RASGRF1: variants seen among roughly 807,000 people sequenced by gnomAD.
The protein encoded by RASGRF1 is Ras protein specific guanine nucleotide releasing factor 1.
A neutral mutation model predicts 138.7 loss-of-function variants in RASGRF1; 40 were observed. The observed-to-expected ratio is 0.29, with a 90% CI of 0.22 to 0.38. The LOEUF (loss-of-function observed/expected upper bound fraction) is 0.38. Among genes scored for constraint, RASGRF1 ranks in the 10% least tolerant of loss-of-function variants. RASGRF1 has a pLI of 1.00. For missense variants in RASGRF1, 1,108 were observed against 1,650.4 expected (o/e 0.67, Z 5.69); for synonymous variants, 614 against 663.2 (o/e 0.93, Z 1.14).
chr15:79,078,132 G>GGT (rs143462965), intron 1 of RASGRF1, among the ~76,000 whole-genome samples: 1,886 of 148,208 alleles, frequency 0.013, 11 homozygotes, highest in Non-Finnish European at 0.017. Context: ...CAGAGAACCT[G>GGT]GTGTGTGTGT....
intron 20 of RASGRF1, among the ~76,000 whole-genome samples, chr15:78,995,143 G>A (rs576383434): frequency 6.6e-6 from 1 of 152,140 alleles, no homozygotes; most frequent in Non-Finnish European, 1.5e-5. Flanking sequence ...TGCCCAGGCT[G>A]ATCTTGAACT....
chr15:79,036,023 C>A (rs1464185408), intron 5 of RASGRF1, among the ~76,000 whole-genome samples: 3 of 152,176 alleles, frequency 2.0e-5, no homozygotes, highest in Non-Finnish European at 2.9e-5. Context: ...GCCCGGCCTT[C>A]CCCCCAACCC....
At chr15:79,002,043 G>GA (rs1306389279) in intron 15 of RASGRF1, among the ~76,000 whole-genome samples, 1 of 152,200 alleles carries the variant, frequency 6.6e-6, no homozygotes, top group East Asian at 1.9e-4. Context: ...CACACCTGGG[G>GA]ATCTTGTCAG....
At chr15:79,067,238 G>A (rs1185600288) in intron 1 of RASGRF1, among the ~76,000 whole-genome samples, 1 of 152,150 alleles carries the variant, frequency 6.6e-6, no homozygotes, top group African/African-American at 2.4e-5. Flanking sequence ...AGTATCCAGA[G>A]CCACTTCAGG....
chr15:79,080,846 C>G (rs2057905221), intron 1 of RASGRF1, among the ~76,000 whole-genome samples: 1 of 152,290 alleles, frequency 6.6e-6, no homozygotes, highest in East Asian at 1.9e-4. Context: ...ACCTGGAGGC[C>G]TGGTGCAGAT....
chr15:78,965,014 G>A (rs942571187), intron 26 of RASGRF1, among the ~76,000 whole-genome samples: 5 of 152,128 alleles, frequency 3.3e-5, no homozygotes, highest in Admixed American at 2.0e-4. Context: ...CACCGCGCCC[G>A]GCCGTTTTCA....
rs2057082604 is a variant in RASGRF1 at position 79,027,879 on chromosome 15, C to T, written c.1263-20G>A. On this transcript the variant is annotated intron_variant, in intron 8 of 26. Transcript: ENST00000558480. The surrounding 1 kb of genome is among the most constrained non-coding windows in gnomAD (Gnocchi z 4.8). ...ATTATTCTGTGGGGATGGGAAACTG[C>T]ACAGTCAGAGACAGGCTGCCCCTAC... 4.3e-6 allele frequency: 7 copies of T among 1,612,464 alleles called. No homozygotes were observed. Among genetic ancestry groups the T allele is most frequent in the Non-Finnish European group, 5.9e-6 (7 of 1,178,536 alleles).
intron 8 of RASGRF1, among the ~76,000 whole-genome samples, chr15:79,031,121 C>T (rs1475619014): frequency 6.6e-6 from 1 of 152,210 alleles, no homozygotes; most frequent in African/African-American, 2.4e-5. Context: ...CATGGACAGT[C>T]CCTCTCCTGG....
intron 4 of RASGRF1, among the ~76,000 whole-genome samples, chr15:79,048,816 A>G (rs2057389711): frequency 6.6e-6 from 1 of 152,224 alleles, no homozygotes; most frequent in South Asian, 2.1e-4. Context: ...TGCACTCAAC[A>G]AATAGGATTC....
chr15:78,964,828 G>A (rs1022219312), intron 26 of RASGRF1, among the ~76,000 whole-genome samples: 3 of 152,048 alleles, frequency 2.0e-5, no homozygotes, highest in Non-Finnish European at 4.4e-5. Flanking sequence ...TGATCGTCTC[G>A]TTCTTAGAAT....
In RASGRF1 at chr15:79,055,924, A is replaced by G. The variant is rs1279142381; in HGVS notation, c.531+2410T>C. 3.3e-5 allele frequency among the ~76,000 whole-genome samples: 5 copies of G among 152,046 alleles called. No homozygotes were observed. In the East Asian group the frequency reaches 9.7e-4, roughly 29 times the overall value. ...TACTGTGTGCCAGGCCAAAAGAAGG[A>G]GTGATAAGCGACACAGCCCGTCCTT... On this transcript the variant is annotated intron_variant, in intron 3 of 26. Transcript: ENST00000558480.
intron 24 of RASGRF1, among the ~76,000 whole-genome samples, chr15:78,976,480 C>T (rs754597267): frequency 1.3e-5 from 2 of 152,136 alleles, no homozygotes; most frequent in South Asian, 2.1e-4. Flanking sequence ...GGGCCATATG[C>T]GGCCCTTAGG....
chr15:79,013,786 G>GTA (rs2056836118), intron 13 of RASGRF1, among the ~76,000 whole-genome samples: 1 of 152,138 alleles, frequency 6.6e-6, no homozygotes, highest in East Asian at 1.9e-4. Context: ...TGCAGGTGAG[G>GTA]GAGGCTGTAT....
intron 3 of RASGRF1, among the ~76,000 whole-genome samples, chr15:79,052,361 G>T (rs2057444528): frequency 6.6e-6 from 1 of 152,190 alleles, no homozygotes; most frequent in Admixed American, 6.5e-5. Context: ...ACTAAAGATT[G>T]CTGCATTGCT....
chr15:78,971,200 C>T (rs2055751641), intron 26 of RASGRF1, among the ~76,000 whole-genome samples: 1 of 152,202 alleles, frequency 6.6e-6, no homozygotes, highest in African/African-American at 2.4e-5. Context: ...CCCTCCCTGC[C>T]TGTTTCTGGA....
chr15:78,985,104 C>T lies in RASGRF1; in HGVS notation c.3317G>A (p.Cys1106Tyr). The change falls in exon 23 of 27, where the codon TGC becomes TAC. Residue 1106 changes from cysteine to tyrosine, a missense_variant. Cys to Tyr is a radical substitution (Grantham distance 194). Coordinates refer to ENST00000558480, the MANE Select transcript of RASGRF1 (RefSeq NM_001145648.3). ...KWVAVADICR[C>Y]LHNYNAVLEI... ...CAGTACGGCATTGTAGTTGTGGAGGCAGCGGCATATGTCAGCTACGGCCAC... is the reference window on the plus strand; with the variant it reads ...CAGTACGGCATTGTAGTTGTGGAGGTAGCGGCATATGTCAGCTACGGCCAC... The T allele has an allele frequency of 6.2e-7, 1 of 1,613,718 alleles. No individual in the cohort carries two copies. Among genetic ancestry groups the T allele is most frequent in the Non-Finnish European group, 8.5e-7 (1 of 1,179,600 alleles).
chr15:79,064,543 A>G lies in RASGRF1; in HGVS notation c.277-17T>C. On this transcript the variant is annotated splice_polypyrimidine_tract_variant and intron_variant, in intron 1 of 26. Transcript: ENST00000558480. ...GAAGTAATGCTGTATCAAGAAGAAG[A>G]CATCTCCAATTACCAGAGTGTCCAT... 1.2e-6 allele frequency: 2 copies of G among 1,609,926 alleles called. No individual in the cohort carries two copies. The highest frequency in any genetic ancestry group is 1.7e-6 in the Non-Finnish European group (2 of 1,176,272).
intron 26 of RASGRF1, among the ~76,000 whole-genome samples, chr15:78,964,153 C>A (rs1295359560): frequency 6.6e-6 from 1 of 151,844 alleles, no homozygotes; most frequent in Non-Finnish European, 1.5e-5. Context: ...TGAAAGAAGT[C>A]TGAGGAGCAG....
intron 10 of RASGRF1, among the ~76,000 whole-genome samples, chr15:79,021,891 C>A (rs561938369): frequency 6.6e-6 from 1 of 152,138 alleles, no homozygotes; most frequent in Non-Finnish European, 1.5e-5. Flanking sequence ...AATACAAGTT[C>A]GTTATTCATA....
Sources: gnomAD v4.1 joint callset for allele counts (sites outside exome capture counted in the v4.1 genomes callset) on GRCh38, gnomAD v4.1.1 for gene constraint, Gnocchi (gnomAD v3.1) non-coding constraint, MANE v1.5 for transcripts, NCBI Gene and HGNC (gene_info 2026-07-23, HGNC 2026-07-21) for gene names.